Variants in PSMD13 observed in about 807,000 individuals in gnomAD.
PSMD13 encodes 26S proteasome non-ATPase regulatory subunit 13.
Under a neutral mutation model 57.4 loss-of-function variants are expected in PSMD13, and 8 were observed. The observed-to-expected ratio is 0.14, with a 90% CI of 0.08 to 0.25. PSMD13 has a LOEUF of 0.25. Ranked by LOEUF, PSMD13 falls within the 10% of genes least tolerant of loss-of-function variation. The pLI, the probability that PSMD13 is intolerant of heterozygous loss-of-function variation, is 1.00. For missense variants in PSMD13, 400 were observed against 461.5 expected, an observed-to-expected ratio of 0.87 and a Z score of 1.22; for synonymous variants, 193 against 168.2, an observed-to-expected ratio of 1.15 and a Z score of -1.14.
At position 251,278 on chromosome 11, in the gene PSMD13, T is replaced by G. The variant is rs1361724614; in HGVS notation, c.838-268T>G. 1 of 493,252 alleles carries G rather than the reference T, an allele frequency of 2.0e-6. No homozygotes were observed. The highest frequency in any genetic ancestry group is 1.9e-5 in the African/African-American group (1 of 51,734). 30.6% of individuals were successfully genotyped at this position (493,252 alleles called of 1,614,324 possible). A position where few individuals can be genotyped will look rare whatever the true frequency, so the allele number is the denominator to read the frequency against. ...TGCCGTGGTCACCCCTGGTCAACCCTGGCAAATTGTGGCCTCAAGTACTTG... is the reference window on the plus strand; with the variant it reads ...TGCCGTGGTCACCCCTGGTCAACCCGGGCAAATTGTGGCCTCAAGTACTTG... On this transcript the variant is annotated intron_variant, in intron 10 of 12. Transcript: ENST00000532097. The surrounding 1 kb of genome is among the most constrained non-coding windows in gnomAD (Gnocchi z 4.6).
At position 251,579 on chromosome 11, in the gene PSMD13, C is replaced by G. The variant is rs1371073018; in HGVS notation, c.871C>G (p.Leu291Val). The part of the protein sequence containing the change: ...TFTRPANHRQ[L>V]TFEEIAKSAK... ...CACACGACCTGCCAATCACAGACAA[C>G]TCACTTTTGAAGAAATTGCCAAAAG... The change falls in exon 11 of 13, where the codon CTC (leucine) becomes GTC (valine). Residue 291 changes from leucine to valine, a missense_variant. Transcript: ENST00000532097. The surrounding 1 kb of genome is among the most constrained non-coding windows in gnomAD (Gnocchi z 4.6). 1.2e-6 allele frequency: 2 copies of G among 1,614,118 alleles called. No individual in the cohort carries two copies. Among genetic ancestry groups the G allele is most frequent in the East Asian group, 2.2e-5 (1 of 44,888 alleles).
In PSMD13 at chr11:237,012, C is replaced by A; in HGVS notation, c.-38C>A. ...GCAGCCATCCCCGCGGTGCTGACAT[C>A]CCGGTTGTTCTTCTGTGCCGGGGGT... On this transcript the variant is annotated 5_prime_UTR_variant, in exon 1 of 13. Transcript: ENST00000532097. 1 of 1,546,038 alleles carries A rather than the reference C, an allele frequency of 6.5e-7. No individual in the cohort carries two copies. Among genetic ancestry groups the A allele is most frequent in the Non-Finnish European group, 8.9e-7 (1 of 1,119,696 alleles).
In PSMD13 at chr11:252,768, C is replaced by T; in HGVS notation, c.*168C>T. On this transcript the variant is annotated 3_prime_UTR_variant, in exon 13 of 13. Coordinates refer to ENST00000532097, the MANE Select transcript of PSMD13 (RefSeq NM_002817.4). The surrounding 1 kb of genome is among the most constrained non-coding windows in gnomAD (Gnocchi z 4.1). Reference sequence around the variant, plus strand: ...AAAACAGGACTGTCCCTGATGGGAGCCAGGCCACAGGGAGGAGGCTTCTTT... The same window carrying T: ...AAAACAGGACTGTCCCTGATGGGAGTCAGGCCACAGGGAGGAGGCTTCTTT... 1 of 609,330 alleles carries T rather than the reference C, an allele frequency of 1.6e-6. No homozygotes were observed. Among genetic ancestry groups the T allele is most frequent in the Admixed American group, 2.9e-5 (1 of 34,340 alleles). The allele number at this position is 609,330 out of a possible 1,614,324, so 37.7% of individuals were successfully genotyped here.
chr11:248,909 G>C, intron 8 of PSMD13, 23 bp from the exon 9 acceptor site: 1 of 1,614,108 alleles, frequency 6.2e-7, no homozygotes, highest in Non-Finnish European at 8.5e-7. Context: ...AGTGTTACTA[G>C]CTGACCATCT....
Position 248,835 on chromosome 11 carries a change from G to T in PSMD13, c.628G>T (p.Val210Phe). Reference sequence around the variant, plus strand: ...GCTAGCAGGACTTCTCGGCGAGGGAGTTTTTAACTTTGGAGAACTCGTAAG... The same window carrying T: ...GCTAGCAGGACTTCTCGGCGAGGGATTTTTTAACTTTGGAGAACTCGTAAG... ...LGLAGLLGEG[V>F]FNFGELLMHP... The change falls in exon 8 of 13, where the codon GTT becomes TTT. Residue 210 changes from valine to phenylalanine, a missense_variant. Transcript: ENST00000532097. 2.5e-6 allele frequency: 4 copies of T among 1,614,184 alleles called. No individual in the cohort carries two copies. Among genetic ancestry groups the T allele is most frequent in the Non-Finnish European group, 3.4e-6 (4 of 1,180,032 alleles).
chr11:248,040 A>G (rs1227110018), intron 7 of PSMD13: 1 of 152,560 alleles, frequency 6.6e-6, no homozygotes. Flanking sequence ...AGGAAGCACC[A>G]TGACGCCAAC....
chr11:247,716 CCAGTTACT>C (rs964532910), intron 7 of PSMD13: 13 of 271,494 alleles, frequency 4.8e-5, no homozygotes, highest in Middle Eastern at 1.2e-3. Context: ...GCCTGTAATC[CCAGTTACT>C]CAGGAGTCTG....
At chr11:238,143 A>C (rs1859407120) in intron 1 of PSMD13, among the ~76,000 whole-genome samples, 1 of 152,230 alleles carries the variant, frequency 6.6e-6, no homozygotes, top group African/African-American at 2.4e-5. Flanking sequence ...CTGAGGTTTT[A>C]AATATTAGCT....
intron 5 of PSMD13, 99 bp downstream of exon 5, chr11:244,568 CA>C: frequency 6.7e-7 from 1 of 1,492,650 alleles, no homozygotes; most frequent in Non-Finnish European, 9.3e-7. Flanking sequence ...TTAGAGACCA[CA>C]AGGCCTCTAG....
In PSMD13 at chr11:251,911, A is replaced by G. The variant is rs745630643; in HGVS notation, c.1010A>G (p.Gln337Arg). 12 of 1,613,866 alleles carry G rather than the reference A, an allele frequency of 7.4e-6. No individual in the cohort carries two copies. The highest frequency in any genetic ancestry group is 1.0e-5 in the Non-Finnish European group (12 of 1,179,836). ...AAACGAGTCCACATGACCTGGGTGC[A>G]GCCCCGAGTGTTGGATTTGCAACAG... Reference protein sequence around the residue: ...VDKRVHMTWVQPRVLDLQQIK... With the variant: ...VDKRVHMTWVRPRVLDLQQIK... Residue 337 changes from glutamine (Q) to arginine (R), a missense_variant, in exon 12 of 13, where the codon CAG becomes CGG. By Grantham distance (43) the Gln-to-Arg change is conservative (BLOSUM62 1). Coordinates refer to ENST00000532097, the MANE Select transcript of PSMD13 (RefSeq NM_002817.4). This position sits in a 1 kb window ranked among gnomAD's most constrained non-coding sequence, Gnocchi z 4.6.
At position 252,827 on chromosome 11, in the gene PSMD13, G is replaced by T. The variant is rs2133994737; in HGVS notation, c.*227G>T. On this transcript the variant is annotated 3_prime_UTR_variant, in exon 13 of 13. Coordinates refer to ENST00000532097, the MANE Select transcript of PSMD13 (RefSeq NM_002817.4). The surrounding 1 kb of genome is among the most constrained non-coding windows in gnomAD (Gnocchi z 4.1). ...CTCCTGCAGAGGGTGGGGGTCTCAG[G>T]GTCTTAGGTGATACGGGAGAGAAAG... 2 of 506,328 alleles carry T rather than the reference G, an allele frequency of 4.0e-6. No homozygotes were observed. Among genetic ancestry groups the T allele is most frequent in the Non-Finnish European group, 3.6e-6 (1 of 278,938 alleles). The allele number at this position is 506,328 out of a possible 1,614,324, so 31.4% of individuals were successfully genotyped here.
intron 6 of PSMD13, among the ~76,000 whole-genome samples, chr11:246,645 T>C (rs1181425678): frequency 1.3e-5 from 2 of 152,256 alleles, no homozygotes; most frequent in Non-Finnish European, 2.9e-5. Flanking sequence ...TGTGCATCTC[T>C]GCCTTTCCCA....
At chr11:242,476 C>T (rs1003571660) in intron 2 of PSMD13, among the ~76,000 whole-genome samples, 1 of 151,730 alleles carries the variant, frequency 6.6e-6, no homozygotes, top group Admixed American at 6.6e-5. Flanking sequence ...CATGTTTACA[C>T]AGAAGATAGA....
chr11:237,109 T>C lies in PSMD13; in HGVS notation c.60T>C (p.Ala20=). 1 of 1,613,654 alleles carries C rather than the reference T, an allele frequency of 6.2e-7. No individual in the cohort carries two copies. The change falls in exon 1 of 13, where the codon GCT becomes GCC. Residue 20 remains alanine, a synonymous_variant. Coordinates refer to ENST00000532097, the MANE Select transcript of PSMD13 (RefSeq NM_002817.4). The part of the protein sequence containing the change: ...QSQNSGPGQP[A]VWHRLEELYT... ...AGAACTCCGGGCCCGGGCAGCCCGC[T>C]GTGTGGCACCGTCTGGAGGAGCTCT...
chr11:248,693 C>G, intron 7 of PSMD13, 83 bp from the exon 8 acceptor site: 1 of 1,333,720 alleles, frequency 7.5e-7, no homozygotes, highest in Non-Finnish European at 1.1e-6. Context: ...TGTTTTTTTA[C>G]TTTTTGTTAT....
At chr11:247,227 A>G in intron 6 of PSMD13, 50 bp from the exon 7 acceptor site, 1 of 1,549,726 alleles carries the variant, frequency 6.5e-7, no homozygotes, top group Non-Finnish European at 8.7e-7. Context: ...TAAAAAAATA[A>G]AATAAACTTT....
At chr11:243,943 G>C (rs1317116187) in intron 2 of PSMD13, 98 bp from the exon 3 acceptor site, 5 of 1,248,766 alleles carry the variant, frequency 4.0e-6, no homozygotes, top group Non-Finnish European at 5.7e-6. Flanking sequence ...CAACTTGATA[G>C]CATTGATGCA....
intron 2 of PSMD13, chr11:243,232 T>G (rs1859555573): frequency 5.4e-6 from 3 of 551,084 alleles, no homozygotes; most frequent in Non-Finnish European, 1.1e-5. Flanking sequence ...CTTAACGTGG[T>G]GGGAAATGTA....
At chr11:243,872 C>T (rs1303905935) in intron 2 of PSMD13, among the ~76,000 whole-genome samples, 169 bp from the exon 3 acceptor site, 1 of 152,242 alleles carries the variant, frequency 6.6e-6, no homozygotes, top group Non-Finnish European at 1.5e-5. Context: ...GATATGGTCT[C>T]CTATCATTCT....
Sources: gnomAD v4.1 joint callset for allele counts (sites outside exome capture counted in the v4.1 genomes callset) on GRCh38, gnomAD v4.1.1 for gene constraint, Gnocchi (gnomAD v3.1) non-coding constraint, MANE v1.5 for transcripts, NCBI Gene and HGNC (gene_info 2026-07-23, HGNC 2026-07-21) for gene names.